The following PALM2AKAP2 variants were observed in gnomAD, a reference collection of about 807,000 sequenced individuals.
PALM2AKAP2 encodes the protein PALM2-AKAP2 fusion protein.
A neutral mutation model predicts 71.5 loss-of-function variants in PALM2AKAP2; 37 were observed. The observed-to-expected ratio is 0.52, with a 90% CI of 0.40 to 0.68. PALM2AKAP2 has a LOEUF of 0.68. Among genes scored for constraint, PALM2AKAP2 ranks in the 30% least tolerant of loss-of-function variants. The pLI, the probability that PALM2AKAP2 is intolerant of heterozygous loss-of-function variation, is 0.00. For synonymous variants in PALM2AKAP2, 468 were observed against 478.8 expected, an observed-to-expected ratio of 0.98 and a Z score of 0.29; for missense variants, 1,224 against 1,191.8, an observed-to-expected ratio of 1.03 and a Z score of -0.40.
At position 110,135,164 on chromosome 9, in the gene PALM2AKAP2, A is replaced by AAAAAAATAT; in HGVS notation, c.157-962_157-961insAAAAATATA. Among the ~76,000 whole-genome samples the AAAAAAATAT allele has an allele frequency of 5.4e-4, 28 of 51,728 alleles. 2 individuals are homozygous for AAAAAAATAT. Among genetic ancestry groups the AAAAAAATAT allele is most frequent in the African/African-American group, 1.7e-3 (23 of 13,624 alleles). 33.9% of individuals were successfully genotyped at this position (51,728 alleles called of 152,430 possible). A position where few individuals can be genotyped will look rare whatever the true frequency, so the allele number is the denominator to read the frequency against. On this transcript the variant is annotated intron_variant, in intron 1 of 3. Transcript: ENST00000374525. ...AACTCTGTCTCTACAAAAAAAAAAA[A>AAAAAAATAT]ATATATAAATATATATATATATATA...
intron 1 of PALM2AKAP2, among the ~76,000 whole-genome samples, chr9:109,648,480 A>G (rs1012231703): frequency 6.6e-6 from 1 of 152,236 alleles, no homozygotes; most frequent in Non-Finnish European, 1.5e-5. Flanking sequence ...TAGAGGAGAC[A>G]GACAATACAT....
chr9:109,731,333 A>G (rs1034043114), intron 1 of PALM2AKAP2, among the ~76,000 whole-genome samples: 1 of 152,214 alleles, frequency 6.6e-6, no homozygotes, highest in African/African-American at 2.4e-5. Context: ...GCAGTTGTCA[A>G]ACTTCTTATA....
rs572184229 is a variant in PALM2AKAP2 at position 109,978,848 on chromosome 9, A to G, written c.497-37106A>G. 1.9e-3 allele frequency among the ~76,000 whole-genome samples: 292 copies of G among 152,208 alleles called. 2 individuals carry two copies. The highest frequency in any genetic ancestry group is 3.8e-3 in the Admixed American group (58 of 15,286). On this transcript the variant is annotated intron_variant, in intron 6 of 9. Coordinates refer to the PALM2AKAP2 transcript ENST00000302798. The stretch of plus-strand genomic sequence containing the variant: ...ATTGCAAAGCCCCCTCAGCCATTCA[A>G]TAGTGTCACTAGAGACACGCTTGAC...
rs569099708 is a variant in PALM2AKAP2 at position 109,983,594 on chromosome 9, C to T, written c.497-32360C>T. Reference sequence around the variant, plus strand: ...AAAACATGTAAGATCTGGCTGGGTGCGGTCTCATGCCTTCAATCCCAGCAC... The same window carrying T: ...AAAACATGTAAGATCTGGCTGGGTGTGGTCTCATGCCTTCAATCCCAGCAC... On this transcript the variant is annotated intron_variant, in intron 6 of 9. Coordinates refer to the PALM2AKAP2 transcript ENST00000302798. Among the ~76,000 whole-genome samples, 24 of 152,200 alleles carry T rather than the reference C, an allele frequency of 1.6e-4. 1 individual carries two copies. The highest frequency in any genetic ancestry group is 1.0e-3 in the Admixed American group (16 of 15,274).
intron 6 of PALM2AKAP2, among the ~76,000 whole-genome samples, chr9:109,987,465 G>A (rs1171101487): frequency 1.3e-5 from 2 of 151,998 alleles, no homozygotes; most frequent in South Asian, 2.1e-4. Flanking sequence ...TCATGTACAC[G>A]TCTCTGTGTT....
At chr9:109,733,916 A>T (rs2224581) in intron 1 of PALM2AKAP2, among the ~76,000 whole-genome samples, 22,356 of 152,276 alleles carry the variant, frequency 0.15, 2,060 homozygotes, top group Non-Finnish European at 0.21. Context: ...ACAAAAGAAG[A>T]CTTGTAGGAG....
intron 1 of PALM2AKAP2, among the ~76,000 whole-genome samples, chr9:109,845,194 G>C (rs1828822346): frequency 6.6e-6 from 1 of 152,212 alleles, no homozygotes; most frequent in African/African-American, 2.4e-5. Context: ...AAGCCCAGGA[G>C]CTTCTAGGCC....
intron 1 of PALM2AKAP2, among the ~76,000 whole-genome samples, chr9:109,716,990 G>A (rs1236429647): frequency 6.6e-6 from 1 of 152,160 alleles, no homozygotes; most frequent in Non-Finnish European, 1.5e-5. Context: ...AGTATTGAAA[G>A]TTACAGGGCA....
chr9:109,648,835 CAG>C (rs1827186715), intron 1 of PALM2AKAP2, among the ~76,000 whole-genome samples: 1 of 152,190 alleles, frequency 6.6e-6, no homozygotes, highest in African/African-American at 2.4e-5. Flanking sequence ...TGTTTTCAAA[CAG>C]GGCCAAAGTG....
At chr9:109,864,417 A>C (rs552532037) in intron 1 of PALM2AKAP2, among the ~76,000 whole-genome samples, 1 of 152,286 alleles carries the variant, frequency 6.6e-6, no homozygotes, top group African/African-American at 2.4e-5. Flanking sequence ...TTTGAGTCTC[A>C]TCAATTCTGT....
In PALM2AKAP2 at chr9:109,818,923, A is replaced by G. The variant is rs188674833; in HGVS notation, c.45+38390A>G. ...ATTTCACTTGGAACATCCAGTTGCC[A>G]TAGAAATGACCATGTAGGTTACAAG... On this transcript the variant is annotated intron_variant, in intron 1 of 9. Coordinates refer to the PALM2AKAP2 transcript ENST00000302798. Among the ~76,000 whole-genome samples, 7 of 152,376 alleles carry G rather than the reference A, an allele frequency of 4.6e-5. No homozygotes were observed. In the East Asian group the frequency reaches 1.3e-3, roughly 29 times the overall value.
At chr9:109,809,727 C>T (rs1040133392) in intron 1 of PALM2AKAP2, among the ~76,000 whole-genome samples, 6 of 152,058 alleles carry the variant, frequency 3.9e-5, no homozygotes, top group African/African-American at 1.4e-4. Flanking sequence ...TGGCTGTGTC[C>T]CCACCTAAAT....
At chr9:109,942,776 T>C in intron 6 of PALM2AKAP2, 1 of 1,613,934 alleles carries the variant, frequency 6.2e-7, no homozygotes. Flanking sequence ...CCAGAGGGGG[T>C]CCATCAGAAA....
At chr9:109,968,230 TG>T (rs1256946644) in intron 6 of PALM2AKAP2, among the ~76,000 whole-genome samples, 2 of 152,196 alleles carry the variant, frequency 1.3e-5, no homozygotes, top group Admixed American at 6.5e-5. Flanking sequence ...ACCATGGCCC[TG>T]GGGGTCTGGC....
At chr9:109,864,341 G>T (rs925687241) in intron 1 of PALM2AKAP2, among the ~76,000 whole-genome samples, 1 of 152,244 alleles carries the variant, frequency 6.6e-6, no homozygotes, top group East Asian at 1.9e-4. Flanking sequence ...CTGCACCAGC[G>T]CTCTTCTGGT....
intron 7 of PALM2AKAP2, among the ~76,000 whole-genome samples, chr9:110,035,380 A>T (rs1588070172): frequency 1.4e-5 from 2 of 140,206 alleles, no homozygotes; most frequent in East Asian, 3.9e-4. Context: ...ATATACATAT[A>T]TTATATGTAT....
At chr9:109,661,498 C>A (rs529741369) in intron 1 of PALM2AKAP2, among the ~76,000 whole-genome samples, 1 of 152,078 alleles carries the variant, frequency 6.6e-6, no homozygotes, top group Non-Finnish European at 1.5e-5. Context: ...ATTTCTGAGG[C>A]CTCTGTTCTT....
intron 1 of PALM2AKAP2, among the ~76,000 whole-genome samples, chr9:110,054,845 A>G (rs1284972948): frequency 6.6e-6 from 1 of 152,282 alleles, no homozygotes; most frequent in Non-Finnish European, 1.5e-5. Flanking sequence ...CAGTTCCACA[A>G]TTACATTCCC....
At chr9:109,660,721 A>G (rs2132241811) in intron 1 of PALM2AKAP2, among the ~76,000 whole-genome samples, 1 of 152,262 alleles carries the variant, frequency 6.6e-6, no homozygotes, top group East Asian at 1.9e-4. Context: ...TTCTAGTTCT[A>G]GATCCTTGAG....
Sources: gnomAD v4.1 joint callset for allele counts (sites outside exome capture counted in the v4.1 genomes callset) on GRCh38, gnomAD v4.1.1 for gene constraint, MANE v1.5 for transcripts, NCBI Gene and HGNC (gene_info 2026-07-23, HGNC 2026-07-21) for gene names.